The following UNC5D variants were observed in gnomAD, a reference collection of about 807,000 sequenced individuals.
UNC5D encodes the protein unc-5 netrin receptor D, also known as netrin receptor UNC5D.
Under a neutral mutation model 105.4 loss-of-function variants are expected in UNC5D, and 39 were observed. The observed-to-expected ratio is 0.37, with a 90% confidence interval of 0.29 to 0.48. The LOEUF (loss-of-function observed/expected upper bound fraction) is 0.48, where lower values mean the gene tolerates loss of function less well. UNC5D is among the 20% of genes least tolerant of loss of function. The pLI, the probability that UNC5D is intolerant of heterozygous loss-of-function variation, is 0.98. For missense variants in UNC5D, 991 were observed against 1,202.4 expected (o/e 0.82, Z 2.60); for synonymous variants, 452 against 450.4 (o/e 1.00, Z -0.04).
chr8:35,618,038 G>A (rs1381372294), intron 4 of UNC5D, among the ~76,000 whole-genome samples: 1 of 152,176 alleles, frequency 6.6e-6, no homozygotes, highest in Non-Finnish European at 1.5e-5. Flanking sequence ...ATTTCTGTGT[G>A]CAGGAAGTGT....
chr8:35,291,085 C>A (rs551883711), intron 1 of UNC5D, among the ~76,000 whole-genome samples: 1 of 152,112 alleles, frequency 6.6e-6, no homozygotes, highest in East Asian at 1.9e-4. Flanking sequence ...CCCAGTAAAC[C>A]AAGTGGAAAC....
At chr8:35,386,527 G>GA (rs1393938084) in intron 1 of UNC5D, among the ~76,000 whole-genome samples, 9 of 151,858 alleles carry the variant, frequency 5.9e-5, no homozygotes, top group East Asian at 3.9e-4. Context: ...CCTGAGGAGG[G>GA]AAAAAAAACG....
chr8:35,428,642 T>C (rs1178375608), intron 1 of UNC5D, among the ~76,000 whole-genome samples: 1 of 152,128 alleles, frequency 6.6e-6, no homozygotes, highest in African/African-American at 2.4e-5. Flanking sequence ...CATAAACTTT[T>C]GTTAGATATC....
At chr8:35,491,292 T>C (rs1373800308) in intron 1 of UNC5D, among the ~76,000 whole-genome samples, 2 of 152,146 alleles carry the variant, frequency 1.3e-5, no homozygotes. Context: ...ATTATTTATT[T>C]GCCATGTATT....
chr8:35,419,096 A>T (rs534904884), intron 1 of UNC5D, among the ~76,000 whole-genome samples: 150 of 152,320 alleles, frequency 9.8e-4, no homozygotes, highest in African/African-American at 3.4e-3. Context: ...ATACAGCCCC[A>T]AGTATTACAA....
intron 11 of UNC5D, among the ~76,000 whole-genome samples, chr8:35,734,452 C>A (rs1465255728): frequency 6.6e-6 from 1 of 151,816 alleles, no homozygotes; most frequent in East Asian, 1.9e-4. Flanking sequence ...CTCTTGTTGC[C>A]CAGGCTGGAG....
intron 7 of UNC5D, among the ~76,000 whole-genome samples, chr8:35,689,802 A>T (rs1826265139): frequency 6.6e-6 from 1 of 152,328 alleles, no homozygotes; most frequent in South Asian, 2.1e-4. Flanking sequence ...GTGAATTTAA[A>T]TGTTAATCTC....
At chr8:35,429,816 CT>C (rs920529634) in intron 1 of UNC5D, among the ~76,000 whole-genome samples, 4 of 152,000 alleles carry the variant, frequency 2.6e-5, no homozygotes, top group Middle Eastern at 3.4e-3. Context: ...GACCAATGAT[CT>C]TTTTTTTGTT....
At chr8:35,301,211 G>A (rs1425368991) in intron 1 of UNC5D, among the ~76,000 whole-genome samples, 1 of 152,154 alleles carries the variant, frequency 6.6e-6, no homozygotes, top group Non-Finnish European at 1.5e-5. Context: ...GTCCAAAAAG[G>A]ATAAGGACAT....
At position 35,594,924 on chromosome 8, in the gene UNC5D, A is replaced by G. The variant is rs541448370; in HGVS notation, c.467-630A>G. ...GTTTGCAAAGTGCCTGGAGCCTTCC[A>G]TGAAGGGCACTACCCAAATACCCAG... is the stretch of plus-strand genomic sequence containing the variant. On this transcript the variant is annotated intron_variant, in intron 3 of 16. Coordinates refer to ENST00000404895, the MANE Select transcript of UNC5D (RefSeq NM_080872.4). Among the ~76,000 whole-genome samples, 15 of 152,334 alleles carry G rather than the reference A, an allele frequency of 9.8e-5. No individual in the cohort carries two copies. In the South Asian group the frequency reaches 1.5e-3, roughly 15 times the overall value.
intron 4 of UNC5D, among the ~76,000 whole-genome samples, chr8:35,673,261 G>A (rs1824947959): frequency 6.6e-6 from 1 of 152,004 alleles, no homozygotes; most frequent in African/African-American, 2.4e-5. Context: ...AGAGAGGAGA[G>A]GACAGGTGAC....
chr8:35,468,300 T>C (rs1809458265), intron 1 of UNC5D, among the ~76,000 whole-genome samples: 1 of 152,166 alleles, frequency 6.6e-6, no homozygotes, highest in African/African-American at 2.4e-5. Flanking sequence ...TAGCTCTCTT[T>C]TACCACTTTA....
At chr8:35,724,054 C>G in intron 9 of UNC5D, 2 of 1,207,038 alleles carry the variant, frequency 1.7e-6, no homozygotes, top group Non-Finnish European at 2.1e-6. Flanking sequence ...GTTGCTTCCT[C>G]TTACCCTAGT....
chr8:35,780,461 A>G (rs1009345465), intron 16 of UNC5D, among the ~76,000 whole-genome samples: 3 of 152,218 alleles, frequency 2.0e-5, no homozygotes, highest in African/African-American at 7.2e-5. Flanking sequence ...AGGGCCGAGG[A>G]AAAGGATGGA....
intron 8 of UNC5D, among the ~76,000 whole-genome samples, chr8:35,718,635 A>G (rs1828395605): frequency 6.6e-6 from 1 of 152,210 alleles, no homozygotes; most frequent in African/African-American, 2.4e-5. Context: ...AAAATTAACA[A>G]TAAAAAACAC....
At chr8:35,305,738 TTCTC>T (rs987925506) in intron 1 of UNC5D, among the ~76,000 whole-genome samples, 4 of 150,268 alleles carry the variant, frequency 2.7e-5, no homozygotes, top group African/African-American at 7.3e-5. Flanking sequence ...TTCTCTTTCT[TTCTC>T]TCTTTTTCTT....
At chr8:35,665,894 T>C (rs1272004856) in intron 4 of UNC5D, among the ~76,000 whole-genome samples, 1 of 152,142 alleles carries the variant, frequency 6.6e-6, no homozygotes, top group East Asian at 1.9e-4. Context: ...CATTAATATG[T>C]TCATATATAC....
chr8:35,303,349 CAG>C (rs1392260551), intron 1 of UNC5D, among the ~76,000 whole-genome samples: 2 of 151,962 alleles, frequency 1.3e-5, no homozygotes. Context: ...TTAATTGAAA[CAG>C]AATAAAATGT....
rs3991303 is a variant in UNC5D, at chr8:35,265,868, CATAATAATAATA to C, written c.103+30009_103+30020del. Among the ~76,000 whole-genome samples, 132 of 142,494 alleles carry C rather than the reference CATAATAATAATA, an allele frequency of 9.3e-4. 1 individual carries two copies. The highest frequency in any genetic ancestry group is 2.4e-3 in the African/African-American group (91 of 38,546). The allele number at this position is 142,494 out of a possible 152,430, so 93.5% of individuals were successfully genotyped here. ...CTGAGCGACAGAGCGAGACTCGTCT[CATAATAATAATA>C]ATAATAATAATAATAATAATAATAA... On this transcript the variant is annotated intron_variant, in intron 1 of 16. Transcript: ENST00000404895.
Sources: allele counts gnomAD v4.1 joint callset (sites outside exome capture counted in the v4.1 genomes callset), GRCh38; gene constraint gnomAD v4.1.1; transcripts MANE v1.5; gene names NCBI Gene and HGNC (gene_info 2026-07-23, HGNC 2026-07-21).